The following COLEC11 variants were observed in gnomAD, a reference collection of about 807,000 sequenced individuals.
The protein encoded by COLEC11 is collectin subfamily member 11.
Under a neutral mutation model 27.3 loss-of-function variants are expected in COLEC11, and 20 were observed. The observed-to-expected ratio is 0.73, with a 90% CI of 0.51 to 1.06. The LOEUF (loss-of-function observed/expected upper bound fraction) is 1.06. COLEC11 is among the 50% of genes least tolerant of loss of function. The pLI, the probability that COLEC11 is intolerant of heterozygous loss-of-function variation, is 0.00. For synonymous variants in COLEC11, 163 were observed against 154.7 expected (o/e 1.05, Z -0.40); for missense variants, 310 against 383.0 (o/e 0.81, Z 1.59).
At chr2:3,599,686 C>T (rs917235051) in intron 1 of COLEC11, among the ~76,000 whole-genome samples, 2 of 152,198 alleles carry the variant, frequency 1.3e-5, no homozygotes. Context: ...CACCCACTGC[C>T]CTCAGGATGC....
rs1370616141 is a variant in COLEC11, at chr2:3,613,399, G to T, written c.202+17G>T. ...GAGAAAAAGGTACCTGCAGCCCTGG[G>T]CCGGCCCTCAGAGCTCTGAGGATGG... is the stretch of plus-strand genomic sequence containing the variant. On this transcript the variant is annotated intron_variant, in intron 3 of 6. Coordinates refer to ENST00000349077, the MANE Select transcript of COLEC11 (RefSeq NM_024027.5). 6.3e-7 allele frequency: 1 copy of T among 1,576,292 alleles called. No individual in the cohort carries two copies. The highest frequency in any genetic ancestry group is 1.9e-5 in the Admixed American group (1 of 53,790).
rs983086470 is a variant in COLEC11 at position 3,641,139 on chromosome 2, G to A, written c.328+808G>A. On this transcript the variant is annotated intron_variant, in intron 5 of 6. Coordinates refer to ENST00000349077, the MANE Select transcript of COLEC11 (RefSeq NM_024027.5). Reference sequence around the variant, plus strand: ...CACCCACCATGTAGACCCCACGGTGGATCCCATTCGGAAGGTGCTTTCCGA... The same window carrying A: ...CACCCACCATGTAGACCCCACGGTGAATCCCATTCGGAAGGTGCTTTCCGA... 3 of 1,097,190 alleles carry A rather than the reference G, an allele frequency of 2.7e-6. No individual in the cohort carries two copies. The African/African-American group carries it at 4.9e-5, about 18-fold the overall frequency. 68.0% of individuals were successfully genotyped at this position (1,097,190 alleles called of 1,614,324 possible). A position where few individuals can be genotyped will look rare whatever the true frequency, so the allele number is the denominator to read the frequency against.
intron 1 of COLEC11, among the ~76,000 whole-genome samples, chr2:3,598,342 A>G (rs569409221): frequency 1.3e-5 from 2 of 152,334 alleles, no homozygotes; most frequent in South Asian, 4.1e-4. Context: ...TATAATAAAG[A>G]TTTGGAAACA....
chr2:3,603,885 T>C (rs967634847), intron 1 of COLEC11: 15 of 592,800 alleles, frequency 2.5e-5, no homozygotes, highest in Non-Finnish European at 3.0e-6. Context: ...TTGGGGCTCC[T>C]CAGGCGCCTT....
chr2:3,633,401 C>A (rs1665154782), intron 3 of COLEC11, among the ~76,000 whole-genome samples: 2 of 152,236 alleles, frequency 1.3e-5, no homozygotes, highest in African/African-American at 4.8e-5. Flanking sequence ...AATCACACGG[C>A]CAGATGTTAA....
At chr2:3,635,832 C>G (rs1665367407) in intron 3 of COLEC11, among the ~76,000 whole-genome samples, 1 of 152,232 alleles carries the variant, frequency 6.6e-6, no homozygotes, top group Non-Finnish European at 1.5e-5. Context: ...CTCAGAGCAG[C>G]AGAGTGTGGC....
chr2:3,621,758 A>G (rs151175669), intron 3 of COLEC11, among the ~76,000 whole-genome samples: 2,633 of 152,340 alleles, frequency 0.017, 35 homozygotes, highest in Non-Finnish European at 0.028. Context: ...TTTTATAGTT[A>G]TAACAGTCTA....
In COLEC11 at chr2:3,616,494, C is replaced by T. The variant is rs576589710; in HGVS notation, c.202+3112C>T. On this transcript the variant is annotated intron_variant, in intron 3 of 6. Coordinates refer to ENST00000349077, the MANE Select transcript of COLEC11 (RefSeq NM_024027.5). ...ATTGAGCACTGAGTGAACGAGACTC[C>T]GTCTGCAATCCGGGCACCTCGGGAG... Among the ~76,000 whole-genome samples, 202 of 152,330 alleles carry T rather than the reference C, an allele frequency of 1.3e-3. 1 individual carries two copies. Among genetic ancestry groups the T allele is most frequent in the Middle Eastern group, 0.01 (3 of 294 alleles).
rs17017791 is a variant in COLEC11 at position 3,637,585 on chromosome 2, T to C, written c.255T>C (p.Ile85=). The C allele has an allele frequency of 9.4e-3, 15,109 of 1,613,976 alleles. 550 individuals are homozygous for C. The African/African-American group carries it at 0.12, about 12-fold the overall frequency. Residue 85 remains isoleucine (I), a synonymous_variant, in exon 4 of 7, where the codon ATT becomes ATC. Transcript: ENST00000349077. The part of the protein sequence containing the change: ...QKGSVGRHGK[I]GPIGSKGEKG... ...GCAGTGTGGGTCGTCATGGAAAAAT[T>C]GGTCCCATTGGCTCTAAAGGTATTT...
At position 3,603,614 on chromosome 2, in the gene COLEC11, G is replaced by C. The variant is rs786205631; in HGVS notation, c.-26-701G>C. ...TTACAGGTGTGAGCCACTGCGCCTG[G>C]TCTTGTTTTCCAAGTTGTAACGCCC... On this transcript the variant is annotated intron_variant, in intron 1 of 6. Coordinates refer to ENST00000349077, the MANE Select transcript of COLEC11 (RefSeq NM_024027.5). 1.3e-6 allele frequency: 2 copies of C among 1,550,838 alleles called. No homozygotes were observed. Among genetic ancestry groups the C allele is most frequent in the Non-Finnish European group, 1.7e-6 (2 of 1,146,960 alleles).
At chr2:3,619,752 A>G (rs1315042167) in intron 3 of COLEC11, among the ~76,000 whole-genome samples, 1 of 152,072 alleles carries the variant, frequency 6.6e-6, no homozygotes, top group Non-Finnish European at 1.5e-5. Flanking sequence ...CAGCCGCCCA[A>G]GTAGCTGGGA....
At chr2:3,609,867 T>C (rs909749319) in intron 2 of COLEC11, among the ~76,000 whole-genome samples, 2 of 152,232 alleles carry the variant, frequency 1.3e-5, no homozygotes, top group Non-Finnish European at 2.9e-5. Flanking sequence ...TCTTGCTGTG[T>C]TGCCCAGGCT....
intron 2 of COLEC11, among the ~76,000 whole-genome samples, chr2:3,611,989 A>G (rs72769317): frequency 2.1e-4 from 31 of 145,764 alleles, no homozygotes; most frequent in African/African-American, 7.9e-4. Context: ...TGCTCTCTCT[A>G]TATATAGGGT....
chr2:3,643,691 C>G (rs1234048040), intron 6 of COLEC11, 36 bp from the exon 7 acceptor site: 3 of 1,613,258 alleles, frequency 1.9e-6, no homozygotes, highest in Non-Finnish European at 2.5e-6. Context: ...TGCACACATA[C>G]AAGTGCTCAC....
intron 1 of COLEC11, among the ~76,000 whole-genome samples, chr2:3,601,695 G>T (rs1194440249): frequency 1.3e-5 from 2 of 152,190 alleles, no homozygotes; most frequent in Non-Finnish European, 2.9e-5. Context: ...TAGGATTTAA[G>T]TTCTGTCATC....
intron 4 of COLEC11, among the ~76,000 whole-genome samples, chr2:3,639,214 A>T (rs1184428802): frequency 6.6e-6 from 1 of 152,264 alleles, no homozygotes; most frequent in Non-Finnish European, 1.5e-5. Context: ...GTCGATGGAC[A>T]CATGGGTTCT....
chr2:3,633,903 G>A (rs942059273), intron 3 of COLEC11, among the ~76,000 whole-genome samples: 1 of 152,210 alleles, frequency 6.6e-6, no homozygotes, highest in African/African-American at 2.4e-5. Context: ...ACAGGGCCTG[G>A]GACAACACGA....
intron 3 of COLEC11, among the ~76,000 whole-genome samples, chr2:3,629,009 A>G (rs1558509805): frequency 6.6e-6 from 1 of 152,200 alleles, no homozygotes; most frequent in African/African-American, 2.4e-5. Context: ...GCACGCAGCC[A>G]GCGGGAGGGG....
At chr2:3,638,057 A>G (rs1371162575) in intron 4 of COLEC11, among the ~76,000 whole-genome samples, 7 of 152,360 alleles carry the variant, frequency 4.6e-5, no homozygotes, top group African/African-American at 1.7e-4. Flanking sequence ...GGATGGCAGC[A>G]GCGGGTGTGG....
Sources: allele counts gnomAD v4.1 joint callset (sites outside exome capture counted in the v4.1 genomes callset), GRCh38; gene constraint gnomAD v4.1.1; transcripts MANE v1.5; gene names NCBI Gene and HGNC (gene_info 2026-07-23, HGNC 2026-07-21).